Variants in ATXN3 observed in about 807,000 individuals in gnomAD.
The protein encoded by ATXN3 is ataxin 3.
ATXN3 carries 28 observed loss-of-function variants against 58.2 expected under a neutral mutation model. That is an observed-to-expected ratio of 0.48 (90% CI 0.36 to 0.66). The LOEUF is 0.66. Among genes scored for constraint, ATXN3 ranks in the 30% least tolerant of loss-of-function variants. The probability of loss-of-function intolerance (pLI) is 0.00; values close to 1 mark genes in which losing one functional copy is unlikely to be tolerated. For synonymous variants in ATXN3, 113 were observed against 138.5 expected, an observed-to-expected ratio of 0.82 and a Z score of 1.29; for missense variants, 321 against 422.1, an observed-to-expected ratio of 0.76 and a Z score of 2.10.
rs141991823 is a variant in ATXN3 at position 92,089,977 on chromosome 14, G to A, written c.388-1160C>T. Among the ~76,000 whole-genome samples the A allele has an allele frequency of 8.4e-3, 1,278 of 152,256 alleles. 9 individuals carry two copies. The highest frequency in any genetic ancestry group is 0.012 in the Non-Finnish European group (819 of 68,018). ...GGCATGCAGCTCATGCCTATAATCC[G>A]AGCACTTTGGGAGGTTAGCTAAGGT... is the stretch of plus-strand genomic sequence containing the variant. On this transcript the variant is annotated intron_variant, in intron 5 of 10. Transcript: ENST00000644486.
chr14:92,079,425 T>A (rs532864068), intron 9 of ATXN3: 109 of 980,400 alleles, frequency 1.1e-4, no homozygotes, highest in Non-Finnish European at 1.3e-4. Context: ...ATTAAGAGGA[T>A]GTCAGCTGAT....
intron 1 of ATXN3, among the ~76,000 whole-genome samples, chr14:92,097,160 T>A (rs371787135): frequency 2.0e-5 from 3 of 151,760 alleles, no homozygotes; most frequent in Non-Finnish European, 4.4e-5. Flanking sequence ...CCGCCCGCCT[T>A]GGCCTCCCAA....
chr14:92,099,815 G>T (rs555353531), intron 1 of ATXN3, among the ~76,000 whole-genome samples: 6 of 152,172 alleles, frequency 3.9e-5, no homozygotes, highest in Admixed American at 1.3e-4. Context: ...GCTACAGTAA[G>T]CTGAGACTGC....
intron 9 of ATXN3, among the ~76,000 whole-genome samples, chr14:92,080,194 T>C (rs554809861): frequency 6.6e-6 from 1 of 152,314 alleles, no homozygotes; most frequent in East Asian, 1.9e-4. Flanking sequence ...ATTTATGGTT[T>C]GCATCCATTC....
intron 9 of ATXN3, among the ~76,000 whole-genome samples, chr14:92,079,899 G>A (rs1259015620): frequency 1.3e-5 from 2 of 152,012 alleles, no homozygotes; most frequent in South Asian, 2.1e-4. Flanking sequence ...CACCATGCCC[G>A]GCTAATTTTT....
At chr14:92,045,898 G>T (rs756460752) in intron 2 of ATXN3, among the ~76,000 whole-genome samples, 1 of 152,228 alleles carries the variant, frequency 6.6e-6, no homozygotes, top group Non-Finnish European at 1.5e-5. Flanking sequence ...TAGAAAGCTA[G>T]CAGCTTCTTT....
chr14:92,087,642 T>C (rs1451060139), intron 6 of ATXN3, among the ~76,000 whole-genome samples: 1 of 152,176 alleles, frequency 6.6e-6, no homozygotes, highest in African/African-American at 2.4e-5. Flanking sequence ...GGGAAACACG[T>C]TGAAGAATGC....
At chr14:92,058,142 C>T (rs146283674), downstream of ATXN3, among the ~76,000 whole-genome samples, 16 of 152,356 alleles carry the variant, frequency 1.1e-4, no homozygotes, top group East Asian at 3.1e-3. Context: ...TATCAATGGA[C>T]TGTGCTGGCC....
chr14:92,087,059 G>A (rs771687506), intron 6 of ATXN3, among the ~76,000 whole-genome samples: 5 of 152,102 alleles, frequency 3.3e-5, no homozygotes, highest in African/African-American at 9.7e-5. Flanking sequence ...AGAATGTAAC[G>A]GAAAGCCACA....
chr14:92,071,362 G>A (rs1411346095), intron 9 of ATXN3: 5 of 442,464 alleles, frequency 1.1e-5, no homozygotes, highest in East Asian at 5.6e-5. Context: ...TTGGGAGGCC[G>A]AGGCGGGTGG....
chr14:92,080,945 A>G lies in ATXN3; in HGVS notation c.872+20T>C, dbSNP rs745521332. On this transcript the variant is annotated intron_variant, in intron 9 of 10. Transcript: ENST00000644486. Reference sequence around the variant, plus strand: ...AGCAAATATTAAACATGCTACTTTAACTTGTACCAACTACTTTACTTTTCA... The same window carrying G: ...AGCAAATATTAAACATGCTACTTTAGCTTGTACCAACTACTTTACTTTTCA... 2 of 1,561,632 alleles carry G rather than the reference A, an allele frequency of 1.3e-6. No homozygotes were observed. Among genetic ancestry groups the G allele is most frequent in the South Asian group, 2.2e-5 (2 of 89,840 alleles).
chr14:92,067,111 AC>A (rs879282757), intron 10 of ATXN3, among the ~76,000 whole-genome samples: 9 of 149,664 alleles, frequency 6.0e-5, no homozygotes, highest in Admixed American at 4.6e-4. Flanking sequence ...TGTTGTATGT[AC>A]CCCTTCCTTC....
At chr14:92,093,391 T>C (rs2064353962) in intron 4 of ATXN3, 73 bp from the exon 5 acceptor site, 3 of 768,368 alleles carry the variant, frequency 3.9e-6, no homozygotes. Context: ...GCAAATATTA[T>C]ATAAAATTTG....
At position 92,062,292 on chromosome 14, in the gene ATXN3, G is replaced by A; in HGVS notation, c.*2028C>T. Reference sequence around the variant, plus strand: ...AAAAACAAAAACAAAAACTCTCTAGGAACTAAAAGTCAAACATGCCATATT... The same window carrying A: ...AAAAACAAAAACAAAAACTCTCTAGAAACTAAAAGTCAAACATGCCATATT... On this transcript the variant is annotated 3_prime_UTR_variant, in exon 11 of 11. Transcript: ENST00000644486. The A allele has an allele frequency of 6.6e-6, 1 of 151,712 alleles. No homozygotes were observed. The highest frequency in any genetic ancestry group is 1.9e-4 in the East Asian group (1 of 5,192). The allele number at this position is 151,712 out of a possible 1,614,324, so 9.4% of individuals were successfully genotyped here. A position where few individuals can be genotyped will look rare whatever the true frequency, so the allele number is the denominator to read the frequency against.
intron 1 of ATXN3, among the ~76,000 whole-genome samples, chr14:92,103,161 C>T (rs957591700): frequency 1.0e-4 from 12 of 120,594 alleles, no homozygotes; most frequent in African/African-American, 3.7e-4. Flanking sequence ...CAAACAACAA[C>T]AAAAATCCAG....
rs1362401047 is a variant in ATXN3, at chr14:92,060,732, T to A, written c.*3588A>T. On this transcript the variant is annotated 3_prime_UTR_variant, in exon 11 of 11. Transcript: ENST00000644486. ...AATTTAGTAGCTCTTGGCACTAGCA[T>A]GATTTTTTTTTTTTTTTTGAGACAG... 1 of 144,252 alleles carries A rather than the reference T, an allele frequency of 6.9e-6. No individual in the cohort carries two copies. The highest frequency in any genetic ancestry group is 2.1e-4 in the East Asian group (1 of 4,808). 8.9% of individuals were successfully genotyped at this position (144,252 alleles called of 1,614,324 possible). A position where few individuals can be genotyped will look rare whatever the true frequency, so the allele number is the denominator to read the frequency against.
upstream of ATXN3, among the ~76,000 whole-genome samples, chr14:92,050,036 T>C (rs1425422262): frequency 6.6e-6 from 1 of 152,214 alleles, no homozygotes; most frequent in African/African-American, 2.4e-5. Flanking sequence ...GGGGGATTTC[T>C]TTCTGTGAGA....
intron 10 of ATXN3, among the ~76,000 whole-genome samples, chr14:92,069,083 C>CTT (rs71301949): frequency 3.5e-5 from 5 of 142,524 alleles, no homozygotes; most frequent in African/African-American, 1.0e-4. Flanking sequence ...ATGCTATAAT[C>CTT]TTTTTTTTTT....
At chr14:92,083,426 C>G in intron 6 of ATXN3, 168 bp from the exon 7 acceptor site, 1 of 759,304 alleles carries the variant, frequency 1.3e-6, no homozygotes, top group South Asian at 1.6e-5. Context: ...CTAGTAAAGT[C>G]GTCTAAGGTA....
Sources: gnomAD v4.1 joint callset for allele counts (sites outside exome capture counted in the v4.1 genomes callset) on GRCh38, gnomAD v4.1.1 for gene constraint, MANE v1.5 for transcripts, NCBI Gene and HGNC (gene_info 2026-07-23, HGNC 2026-07-21) for gene names.